Variants in GRIK1 observed in about 807,000 individuals in gnomAD.
The protein encoded by GRIK1 is glutamate ionotropic receptor kainate type subunit 1.
Under a neutral mutation model 105.7 loss-of-function variants are expected in GRIK1, and 69 were observed. The ratio of observed to expected loss-of-function variants is 0.65; its 90% CI spans 0.54 to 0.80. The LOEUF is 0.80. GRIK1 is among the 30% of genes least tolerant of loss of function. The probability of loss-of-function intolerance (pLI) is 0.00; values close to 1 mark genes in which losing one functional copy is unlikely to be tolerated. For synonymous variants in GRIK1, 438 were observed against 431.3 expected (o/e 1.02, Z -0.19); for missense variants, 1,109 against 1,167.3 (o/e 0.95, Z 0.73).
chr21:29,838,026 A>C (rs1342766246), intron 1 of GRIK1, among the ~76,000 whole-genome samples: 1 of 152,226 alleles, frequency 6.6e-6, no homozygotes, highest in Non-Finnish European at 1.5e-5. Flanking sequence ...TGGTTCAAAA[A>C]GTTAAAAGTG....
At chr21:29,729,713 A>G (rs1300345261) in intron 1 of GRIK1, among the ~76,000 whole-genome samples, 1 of 152,166 alleles carries the variant, frequency 6.6e-6, no homozygotes, top group African/African-American at 2.4e-5. Flanking sequence ...TTCAGTTTTC[A>G]CCACTTGAAG....
At chr21:29,760,994 TACA>T (rs760232480) in intron 1 of GRIK1, among the ~76,000 whole-genome samples, 4 of 152,246 alleles carry the variant, frequency 2.6e-5, no homozygotes, top group Non-Finnish European at 5.9e-5. Context: ...TTTTTAGTTT[TACA>T]ACAACATTTA....
intron 1 of GRIK1, among the ~76,000 whole-genome samples, chr21:29,745,605 T>C (rs2065030399): frequency 1.3e-5 from 2 of 152,242 alleles, no homozygotes; most frequent in South Asian, 4.1e-4. Flanking sequence ...AATACTTATG[T>C]CATGCTGCCT....
chr21:29,560,357 TTTTCTTTC>T (rs1389714187), intron 15 of GRIK1, among the ~76,000 whole-genome samples: 6 of 58,114 alleles, frequency 1.0e-4, no homozygotes, highest in Non-Finnish European at 1.6e-4. Context: ...CTTTCTTTCT[TTTTCTTTC>T]TTCCTTCCTT....
At chr21:29,899,387 G>T (rs866055887) in intron 1 of GRIK1, among the ~76,000 whole-genome samples, 1 of 152,168 alleles carries the variant, frequency 6.6e-6, no homozygotes, top group Non-Finnish European at 1.5e-5. Flanking sequence ...TGCCTATGCA[G>T]GTTTGTCTGA....
chr21:29,641,876 C>T (rs1272665842), intron 7 of GRIK1, among the ~76,000 whole-genome samples: 2 of 152,106 alleles, frequency 1.3e-5, no homozygotes, highest in East Asian at 1.9e-4. Context: ...AGCAGAGACA[C>T]GAGTCCAAAG....
chr21:29,853,274 C>T (rs1256946398), intron 1 of GRIK1, among the ~76,000 whole-genome samples: 2 of 152,232 alleles, frequency 1.3e-5, no homozygotes, highest in East Asian at 3.8e-4. Context: ...CAGGGGTTCT[C>T]AACCTCAGCA....
chr21:29,630,212 A>C (rs2062235160), intron 7 of GRIK1, among the ~76,000 whole-genome samples: 1 of 152,254 alleles, frequency 6.6e-6, no homozygotes, highest in Non-Finnish European at 1.5e-5. Context: ...AGGGATCTCC[A>C]TGAAGCAACA....
At chr21:29,638,943 A>G (rs768562651) in intron 7 of GRIK1, among the ~76,000 whole-genome samples, 1 of 152,228 alleles carries the variant, frequency 6.6e-6, no homozygotes, top group Non-Finnish European at 1.5e-5. Context: ...GGAGGAACTG[A>G]GAAACAAGCT....
chr21:29,714,014 A>G (rs1486575235), intron 1 of GRIK1, among the ~76,000 whole-genome samples: 1 of 152,212 alleles, frequency 6.6e-6, no homozygotes, highest in Non-Finnish European at 1.5e-5. Flanking sequence ...TATGAACTGG[A>G]TGAATAAATG....
intron 1 of GRIK1, among the ~76,000 whole-genome samples, chr21:29,804,442 C>T (rs185072412): frequency 2.4e-4 from 36 of 151,854 alleles, no homozygotes; most frequent in African/African-American, 8.2e-4. Flanking sequence ...ATTTTCAACT[C>T]CAATTAAAAA....
intron 10 of GRIK1, among the ~76,000 whole-genome samples, chr21:29,590,053 A>G (rs1193623374): frequency 3.9e-5 from 6 of 152,150 alleles, no homozygotes; most frequent in African/African-American, 1.4e-4. Flanking sequence ...CCATGCATCT[A>G]TAACCTTGTT....
At chr21:29,545,158 A>G (rs972556323) in intron 16 of GRIK1, among the ~76,000 whole-genome samples, 1 of 152,248 alleles carries the variant, frequency 6.6e-6, no homozygotes, top group African/African-American at 2.4e-5. Context: ...GATGGTATAA[A>G]AGGGAGCATG....
intron 6 of GRIK1, among the ~76,000 whole-genome samples, chr21:29,649,584 G>T (rs753624240): frequency 6.6e-5 from 10 of 152,100 alleles, no homozygotes; most frequent in Non-Finnish European, 1.3e-4. Flanking sequence ...TTCACCTCAC[G>T]CTCGGCCTGA....
chr21:29,629,876 G>T (rs1182030774), intron 7 of GRIK1, among the ~76,000 whole-genome samples: 1 of 152,192 alleles, frequency 6.6e-6, no homozygotes, highest in East Asian at 1.9e-4. Context: ...TTGCCGAGGG[G>T]AATGGAAGAG....
intron 1 of GRIK1, among the ~76,000 whole-genome samples, chr21:29,746,716 G>T (rs1256790807): frequency 6.6e-6 from 1 of 152,178 alleles, no homozygotes; most frequent in Non-Finnish European, 1.5e-5. Flanking sequence ...TGAGCAACAG[G>T]TTTAGAGAGG....
At chr21:29,653,832 C>T (rs1378661151) in intron 5 of GRIK1, among the ~76,000 whole-genome samples, 1 of 152,174 alleles carries the variant, frequency 6.6e-6, no homozygotes, top group Non-Finnish European at 1.5e-5. Context: ...CTACCCTGTA[C>T]CCACTTCCAC....
intron 1 of GRIK1, among the ~76,000 whole-genome samples, chr21:29,722,349 G>A (rs2064342961): frequency 6.6e-6 from 1 of 152,044 alleles, no homozygotes; most frequent in Non-Finnish European, 1.5e-5. Context: ...AGGGTCAGGA[G>A]ATCGAGACCA....
At chr21:29,746,975 C>G (rs940374568) in intron 1 of GRIK1, among the ~76,000 whole-genome samples, 1 of 152,096 alleles carries the variant, frequency 6.6e-6, no homozygotes, top group Non-Finnish European at 1.5e-5. Flanking sequence ...TATTTTTCAT[C>G]GGTTTACTTA....
Sources: allele counts gnomAD v4.1 joint callset (sites outside exome capture counted in the v4.1 genomes callset), GRCh38; gene constraint gnomAD v4.1.1; transcripts MANE v1.5; gene names NCBI Gene and HGNC (gene_info 2026-07-23, HGNC 2026-07-21).